PREX2: variants seen among roughly 807,000 people sequenced by gnomAD.
PREX2 encodes phosphatidylinositol 3,4,5-trisphosphate-dependent Rac exchanger 2 protein.
A neutral mutation model predicts 203.2 loss-of-function variants in PREX2; 107 were observed. That is an observed-to-expected ratio of 0.53 (90% CI 0.45 to 0.62). The LOEUF (loss-of-function observed/expected upper bound fraction) is 0.62, where lower values mean the gene tolerates loss of function less well. Ranked by LOEUF, PREX2 falls within the 20% of genes least tolerant of loss-of-function variation. PREX2 has a pLI of 0.00. For synonymous variants in PREX2, 672 were observed against 663.6 expected (o/e 1.01, Z -0.19); for missense variants, 1,777 against 1,955.9 (o/e 0.91, Z 1.72).
chr8:68,132,791 C>T (rs2129613375), intron 31 of PREX2, among the ~76,000 whole-genome samples: 1 of 152,134 alleles, frequency 6.6e-6, no homozygotes, highest in Admixed American at 6.6e-5. Flanking sequence ...TTATTTTTCC[C>T]TTTGTTGTTT....
At chr8:67,986,537 G>T (rs1309890817) in intron 1 of PREX2, among the ~76,000 whole-genome samples, 1 of 152,224 alleles carries the variant, frequency 6.6e-6, no homozygotes, top group Non-Finnish European at 1.5e-5. Flanking sequence ...ATCTTAGCTG[G>T]ATTGGCCTCT....
chr8:67,976,550 CAG>C lies in PREX2; in HGVS notation c.141+24027_141+24028del, dbSNP rs746647592. Among the ~76,000 whole-genome samples the C allele has an allele frequency of 5.7e-4, 31 of 54,276 alleles. 1 individual carries two copies. The highest frequency in any genetic ancestry group is 3.9e-3 in the Admixed American group (15 of 3,824). The allele number at this position is 54,276 out of a possible 152,430, so 35.6% of individuals were successfully genotyped here. A position where few individuals can be genotyped will look rare whatever the true frequency, so the allele number is the denominator to read the frequency against. ...CAGAGAGAGAGAGACGGGAGAGAGACAGAGAGAGAGAGACAGAGACAGAGACA... is the reference window on the plus strand; with the variant it reads ...CAGAGAGAGAGAGACGGGAGAGAGACAGAGAGAGAGACAGAGACAGAGACA... On this transcript the variant is annotated intron_variant, in intron 1 of 39. Coordinates refer to ENST00000288368, the MANE Select transcript of PREX2 (RefSeq NM_024870.4).
rs111349690 is a variant in PREX2 at position 68,118,286 on chromosome 8, C to T, written c.3327-264C>T. The stretch of plus-strand genomic sequence containing the variant: ...AGGAGAATGGCGTGAACCCTGCAGG[C>T]GGAGCTTGCAGTGAGCCGAGATCGC... On this transcript the variant is annotated intron_variant, in intron 26 of 39. Transcript: ENST00000288368. Among the ~76,000 whole-genome samples the T allele has an allele frequency of 3.6e-4, 54 of 148,982 alleles. 2 individuals are homozygous for T. Among genetic ancestry groups the T allele is most frequent in the African/African-American group, 1.2e-3 (49 of 40,184 alleles).
At position 68,022,135 on chromosome 8, in the gene PREX2, CT is replaced by C; in HGVS notation, c.440del (p.Leu147Ter). 6.7e-7 allele frequency: 1 copy of C among 1,495,340 alleles called. No homozygotes were observed. The highest frequency in any genetic ancestry group is 9.3e-7 in the Non-Finnish European group (1 of 1,072,360). 92.6% of individuals were successfully genotyped at this position (1,495,340 alleles called of 1,614,324 possible). On this transcript the variant is annotated frameshift_variant, in exon 4 of 40. Coordinates refer to ENST00000288368, the MANE Select transcript of PREX2 (RefSeq NM_024870.4). LOFTEE classifies it high-confidence loss of function. Reference protein sequence around the residue: ...LNKIRTIRTFLLNCMLLGGRK... With the variant: ...LNKIRTIRTFXLNCMLLGGRK... ...CAAAATAAGAACAATCCGGACATTT[CT>C]TTTGGTAAGTGTATATTTATGTGTT...
chr8:68,052,969 C>A, intron 8 of PREX2, 128 bp from the exon 9 acceptor site: 1 of 740,754 alleles, frequency 1.3e-6, no homozygotes, highest in Non-Finnish European at 2.2e-6. Context: ...TTTCAATATA[C>A]ATATGTAAAG....
At chr8:67,961,638 A>G (rs566302755) in intron 1 of PREX2, among the ~76,000 whole-genome samples, 10 of 152,282 alleles carry the variant, frequency 6.6e-5, no homozygotes, top group African/African-American at 2.4e-4. Context: ...TAACTGCTTA[A>G]AAAAATATTC....
At chr8:68,085,470 C>T (rs1339875427) in intron 18 of PREX2, among the ~76,000 whole-genome samples, 1 of 152,100 alleles carries the variant, frequency 6.6e-6, no homozygotes, top group Non-Finnish European at 1.5e-5. Context: ...TAAGTAGTAT[C>T]CCATTTTGAG....
chr8:68,156,937 C>A (rs779828631), intron 34 of PREX2, among the ~76,000 whole-genome samples: 1 of 152,128 alleles, frequency 6.6e-6, no homozygotes, highest in Non-Finnish European at 1.5e-5. Flanking sequence ...CCTGTGTCTG[C>A]GTGCAGTTTC....
At chr8:68,209,784 G>A (rs1475285886) in intron 37 of PREX2, among the ~76,000 whole-genome samples, 1 of 152,146 alleles carries the variant, frequency 6.6e-6, no homozygotes, top group Non-Finnish European at 1.5e-5. Flanking sequence ...GAATGCAAGT[G>A]AATCAAAATG....
intron 35 of PREX2, among the ~76,000 whole-genome samples, chr8:68,173,979 G>A (rs552079216): frequency 2.1e-4 from 32 of 152,148 alleles, no homozygotes; most frequent in Non-Finnish European, 4.0e-4. Context: ...AGTGCTTATG[G>A]AAGCAAGATT....
chr8:68,180,894 G>A (rs1812072129), intron 35 of PREX2, among the ~76,000 whole-genome samples: 1 of 152,002 alleles, frequency 6.6e-6, no homozygotes, highest in Non-Finnish European at 1.5e-5. Context: ...AAAAGGAGAG[G>A]AGTTATTGGA....
At chr8:68,146,169 C>T in intron 33 of PREX2, 40 bp from the exon 34 acceptor site, 1 of 1,436,020 alleles carries the variant, frequency 7.0e-7, no homozygotes, top group East Asian at 2.3e-5. Context: ...CTAGCATATC[C>T]TTATTTTAGG....
chr8:68,127,177 AT>A (rs1260032729), intron 30 of PREX2, among the ~76,000 whole-genome samples, 200 bp from the exon 31 acceptor site: 1 of 152,114 alleles, frequency 6.6e-6, no homozygotes, highest in Non-Finnish European at 1.5e-5. Context: ...TGTCAAGTGA[AT>A]TGATTTTTAT....
intron 1 of PREX2, among the ~76,000 whole-genome samples, chr8:67,995,252 CT>C (rs1475192333): frequency 6.6e-6 from 1 of 151,954 alleles, no homozygotes; most frequent in African/African-American, 2.4e-5. Context: ...TTTCTTATAT[CT>C]TTTTATTACT....
rs556730847 is a variant in PREX2 at position 68,157,240 on chromosome 8, C to T, written c.4232-82C>T. 2.7e-5 allele frequency: 17 copies of T among 629,100 alleles called. No individual in the cohort carries two copies. In the East Asian group the frequency reaches 4.9e-4, roughly 18 times the overall value. 39.0% of individuals were successfully genotyped at this position (629,100 alleles called of 1,614,324 possible). A position where few individuals can be genotyped will look rare whatever the true frequency, so the allele number is the denominator to read the frequency against. On this transcript the variant is annotated intron_variant, in intron 34 of 39. Coordinates refer to ENST00000288368, the MANE Select transcript of PREX2 (RefSeq NM_024870.4). ...TAATTGGTCCTATTTGCTAAATTTA[C>T]TAATAATCAATAAAATTATACTACA...
At chr8:67,967,771 C>G (rs1192011967) in intron 1 of PREX2, among the ~76,000 whole-genome samples, 1 of 152,104 alleles carries the variant, frequency 6.6e-6, no homozygotes, top group Non-Finnish European at 1.5e-5. Flanking sequence ...TAAGGCCTTT[C>G]CCTGAAAGGG....
chr8:68,007,453 G>A (rs900817962), intron 1 of PREX2, among the ~76,000 whole-genome samples: 1 of 152,176 alleles, frequency 6.6e-6, no homozygotes, highest in Non-Finnish European at 1.5e-5. Context: ...TGCTATGTGG[G>A]TGATGTAAAA....
rs1810457445 is a variant in PREX2 at position 68,108,219 on chromosome 8, G to A, written c.2826G>A (p.Val942=). The A allele has an allele frequency of 6.2e-7, 1 of 1,613,676 alleles. No individual in the cohort carries two copies. Among genetic ancestry groups the A allele is most frequent in the South Asian group, 1.1e-5 (1 of 91,070 alleles). ...DFCPTNCHVN[V]MEVSYPKTST... ...GCCCTACCAACTGCCATGTCAATGT[G>A]ATGGAAGTTTCTTATCCCAAAACAT... Residue 942 remains valine, a synonymous_variant, in exon 24 of 40, where the codon GTG becomes GTA. Coordinates refer to ENST00000288368, the MANE Select transcript of PREX2 (RefSeq NM_024870.4).
At chr8:68,062,651 T>A (rs1808891982) in intron 11 of PREX2, among the ~76,000 whole-genome samples, 1 of 152,206 alleles carries the variant, frequency 6.6e-6, no homozygotes. Context: ...GAGCTGTGAA[T>A]GAAAAGACAA....
Sources: gnomAD v4.1 joint callset for allele counts (sites outside exome capture counted in the v4.1 genomes callset) on GRCh38, gnomAD v4.1.1 for gene constraint, MANE v1.5 for transcripts, NCBI Gene and HGNC (gene_info 2026-07-23, HGNC 2026-07-21) for gene names.